MROH1: variants seen among roughly 807,000 people sequenced by gnomAD.
MROH1 encodes maestro heat-like repeat-containing protein family member 1.
Under a neutral mutation model 116.5 loss-of-function variants are expected in MROH1, and 117 were observed. The observed-to-expected ratio is 1.00, with a 90% CI of 0.86 to 1.17. MROH1 has a LOEUF of 1.17. MROH1 is among the 50% of genes most tolerant of loss of function. MROH1 has a pLI of 0.00. For missense variants in MROH1, 1,873 were observed against 1,338.5 expected, an observed-to-expected ratio of 1.40 and a Z score of -6.23; for synonymous variants, 921 against 583.9, an observed-to-expected ratio of 1.58 and a Z score of -8.32.
intron 4 of MROH1, among the ~76,000 whole-genome samples, chr8:144,178,276 TG>T (rs1824594757): frequency 6.6e-6 from 1 of 151,974 alleles, no homozygotes; most frequent in South Asian, 2.1e-4. Flanking sequence ...GGACTACAGG[TG>T]TGCGCCACCA....
At position 144,250,289 on chromosome 8, in the gene MROH1, C is replaced by T; in HGVS notation, c.3351C>T (p.His1117=). The part of the protein sequence containing the change: ...QGEHVLPAAQ[H]SVYLLATQHC... Reference sequence around the variant, plus strand: ...AGCACGTCCTGCCGGCCGCCCAGCACAGCGTGTACCTCCTGGCCACCCAGC... The same window carrying T: ...AGCACGTCCTGCCGGCCGCCCAGCATAGCGTGTACCTCCTGGCCACCCAGC... The change falls in exon 33 of 44, where the codon CAC becomes CAT. Residue 1117 remains histidine (H), a synonymous_variant. Transcript: ENST00000326134. 5.2e-6 allele frequency: 4 copies of T among 767,582 alleles called. No individual in the cohort carries two copies. Among genetic ancestry groups the T allele is most frequent in the South Asian group, 4.1e-5 (3 of 73,154 alleles). 47.5% of individuals were successfully genotyped at this position (767,582 alleles called of 1,614,324 possible).
At chr8:144,166,188 A>AT (rs1216162157) in intron 3 of MROH1, among the ~76,000 whole-genome samples, 2 of 152,176 alleles carry the variant, frequency 1.3e-5, no homozygotes, top group Non-Finnish European at 2.9e-5. Flanking sequence ...CCCATCAAGC[A>AT]TTTTTATAAG....
chr8:144,184,817 T>C (rs12678752), intron 7 of MROH1, among the ~76,000 whole-genome samples: 145,617 of 152,242 alleles, frequency 0.96, 69,675 homozygotes, highest in East Asian at 1. Flanking sequence ...CAAAGGGAGA[T>C]GCTGTGGAGG....
At position 144,180,329 on chromosome 8, in the gene MROH1, C is replaced by T. The variant is rs1053033977; in HGVS notation, c.452C>T (p.Ser151Leu). Residue 151 changes from serine to leucine, a missense_variant, in exon 6 of 44, where the codon TCG becomes TTG. By Grantham distance (145) the Ser-to-Leu change is moderately radical. Transcript: ENST00000326134. The surrounding 1 kb of genome is among the most constrained non-coding windows in gnomAD (Gnocchi z 7.4). ...CAVLHTLASL[S>L]VANAFGVVPF... Reference sequence around the variant, plus strand: ...GTGCTGCACACCCTCGCCAGCCTCTCGGTGGCCAACGGTAGGTGACGCGCG... The same window carrying T: ...GTGCTGCACACCCTCGCCAGCCTCTTGGTGGCCAACGGTAGGTGACGCGCG... 1.4e-5 allele frequency: 22 copies of T among 1,606,114 alleles called. No individual in the cohort carries two copies. The highest frequency in any genetic ancestry group is 2.2e-5 in the East Asian group (1 of 44,824).
chr8:144,210,535 T>C (rs1833873694), intron 12 of MROH1, among the ~76,000 whole-genome samples: 1 of 152,002 alleles, frequency 6.6e-6, no homozygotes, highest in African/African-American at 2.4e-5. Context: ...CTACTAAAAA[T>C]GCAAAAATTA....
At chr8:144,191,479 G>A (rs1008024694) in intron 8 of MROH1, among the ~76,000 whole-genome samples, 1 of 152,172 alleles carries the variant, frequency 6.6e-6, no homozygotes, top group Non-Finnish European at 1.5e-5. Flanking sequence ...CAGAGGCCCA[G>A]TGCTGCTGGC....
rs1250730344 is a variant in MROH1, at chr8:144,260,737, CACGGAG to C, written c.4444_4449del (p.Gly1482_Asp1483del). 3 of 779,458 alleles carry C rather than the reference CACGGAG, an allele frequency of 3.8e-6. No individual in the cohort carries two copies. The African/African-American group carries it at 5.1e-5, about 13-fold the overall frequency. The allele number at this position is 779,458 out of a possible 1,614,324, so 48.3% of individuals were successfully genotyped here. On this transcript the variant is annotated inframe_deletion, in exon 40 of 44. Transcript: ENST00000326134. Reference sequence around the variant, plus strand: ...CTTTGGGCACCTTAACAAGGTCTGCCACGGAGACTGTGAGGACGTCTTCCTGGACCA... The same window carrying C: ...CTTTGGGCACCTTAACAAGGTCTGCCACTGTGAGGACGTCTTCCTGGACCA...
At chr8:144,253,520 G>C (rs1287929417) in intron 33 of MROH1, among the ~76,000 whole-genome samples, 4 of 152,234 alleles carry the variant, frequency 2.6e-5, no homozygotes, top group African/African-American at 9.6e-5. Context: ...CAGTGGCTGA[G>C]TCTGTGGCCT....
Position 144,261,561 on chromosome 8 carries a change from T to C in MROH1, c.4841-94T>C. ...CGATCTTTCCGTTGGCTCCTGAGCC[T>C]CCCAGCAGAGGCTGTCAGGAGAGCG... On this transcript the variant is annotated intron_variant, in intron 43 of 43. Coordinates refer to ENST00000326134, the MANE Select transcript of MROH1 (RefSeq NM_032450.3). 3 of 699,232 alleles carry C rather than the reference T, an allele frequency of 4.3e-6. No individual in the cohort carries two copies. In the South Asian group the frequency reaches 4.5e-5, roughly 10 times the overall value. The allele number at this position is 699,232 out of a possible 1,614,324, so 43.3% of individuals were successfully genotyped here.
intron 1 of MROH1, among the ~76,000 whole-genome samples, chr8:144,149,603 C>G (rs1040705372): frequency 0.031 from 4,663 of 152,120 alleles, 215 homozygotes; most frequent in African/African-American, 0.11. Context: ...CTCGTAGCCC[C>G]CCTTTCACAG....
intron 28 of MROH1, 34 bp from the exon 29 acceptor site, chr8:144,245,111 GGGCTGCCCTCT>G (rs1222977391): frequency 2.2e-5 from 17 of 778,126 alleles, no homozygotes; most frequent in Middle Eastern, 3.4e-4. Flanking sequence ...CCTGCCCCCA[GGGCTGCCCTCT>G]GAGCAGTACC....
chr8:144,220,777 C>A, intron 13 of MROH1, 104 bp downstream of exon 13: 1 of 966,320 alleles, frequency 1.0e-6, no homozygotes, highest in Non-Finnish European at 1.6e-6. Flanking sequence ...GCGGCCACCA[C>A]CCTTGGCTGG....
At chr8:144,230,947 ACCCTGCG>A (rs1838758356) in intron 14 of MROH1, among the ~76,000 whole-genome samples, 2 of 139,638 alleles carry the variant, frequency 1.4e-5, no homozygotes, top group Non-Finnish European at 3.1e-5. Flanking sequence ...TAGGCAGAGG[ACCCTGCG>A]GCCTTCCGCA....
chr8:144,221,569 A>G (rs1836746606), intron 13 of MROH1, among the ~76,000 whole-genome samples: 1 of 146,370 alleles, frequency 6.8e-6, no homozygotes, highest in South Asian at 2.2e-4. Flanking sequence ...CTTCTGTGAG[A>G]CTCTTGTTGT....
chr8:144,152,209 CAT>C (rs1214024158), intron 1 of MROH1, among the ~76,000 whole-genome samples: 5 of 152,168 alleles, frequency 3.3e-5, no homozygotes, highest in Non-Finnish European at 5.9e-5. Flanking sequence ...CAATTTAAAA[CAT>C]GAGTTCATTT....
rs184561673 is a variant in MROH1, at chr8:144,202,286, C to T, written c.1141+1745C>T. Among the ~76,000 whole-genome samples, 4 of 150,346 alleles carry T rather than the reference C, an allele frequency of 2.7e-5. No individual in the cohort carries two copies. In the East Asian group the frequency reaches 8.0e-4, roughly 30 times the overall value. On this transcript the variant is annotated intron_variant, in intron 12 of 43. Coordinates refer to ENST00000326134, the MANE Select transcript of MROH1 (RefSeq NM_032450.3). ...AGGGGCGGGGAGGGGAGAGCCCGCT[C>T]TCTGTGGAGGGGTTGGGAAGGCAGC...
In MROH1 at chr8:144,242,480, A is replaced by C; in HGVS notation, c.2290A>C (p.Ile764Leu). ...GGTGCTGGCCAAGGTAGAGTCAGAC[A>C]TCCTCCGGAACATCTGCCAGCACTT... is the stretch of plus-strand genomic sequence containing the variant. ...ELVLAKVESDILRNICQHFST... is the reference protein window; with the variant it reads ...ELVLAKVESDLLRNICQHFST... Residue 764 changes from isoleucine to leucine, a missense_variant, in exon 23 of 44, where the codon ATC becomes CTC. Coordinates refer to ENST00000326134, the MANE Select transcript of MROH1 (RefSeq NM_032450.3). 1 of 780,714 alleles carries C rather than the reference A, an allele frequency of 1.3e-6. No individual in the cohort carries two copies. 48.4% of individuals were successfully genotyped at this position (780,714 alleles called of 1,614,324 possible).
At chr8:144,244,593 C>T in intron 28 of MROH1, 54 bp downstream of exon 28, 1 of 719,202 alleles carries the variant, frequency 1.4e-6, no homozygotes, top group South Asian at 1.5e-5. Flanking sequence ...GAGGGCACTC[C>T]ACCTGGCTGC....
At chr8:144,232,249 C>T (rs1839033829) in intron 14 of MROH1, among the ~76,000 whole-genome samples, 1 of 152,146 alleles carries the variant, frequency 6.6e-6, no homozygotes, top group Admixed American at 6.6e-5. Flanking sequence ...CTCTCTGTCT[C>T]CATGAGAGGC....
Sources: allele counts gnomAD v4.1 joint callset (sites outside exome capture counted in the v4.1 genomes callset), GRCh38; gene constraint gnomAD v4.1.1; non-coding constraint Gnocchi (gnomAD v3.1); transcripts MANE v1.5; gene names NCBI Gene and HGNC (gene_info 2026-07-23, HGNC 2026-07-21).